Variants in MRPL42 observed in about 807,000 individuals in gnomAD.
MRPL42 encodes the protein large ribosomal subunit protein mL42.
In MRPL42, 17 loss-of-function variants were observed where a neutral mutation model predicts 17.9. That is an observed-to-expected ratio of 0.95 (90% CI 0.65 to 1.42). The LOEUF is 1.42. Ranked by LOEUF, MRPL42 falls within the 40% of genes most tolerant of loss-of-function variation. The pLI, the probability that MRPL42 is intolerant of heterozygous loss-of-function variation, is 0.00. For synonymous variants in MRPL42, 59 were observed against 54.4 expected (o/e 1.08, Z -0.37); for missense variants, 177 against 175.2 (o/e 1.01, Z -0.06).
Position 93,514,252 on chromosome 12 carries a change from A to G in MRPL42, c.*13031A>G, listed in dbSNP as rs900192260. On this transcript the variant is annotated 3_prime_UTR_variant, in exon 6 of 6. Coordinates refer to ENST00000549982, the MANE Select transcript of MRPL42 (RefSeq NM_014050.4). ...CGTTTCCATGGACCTAACTCCAATA[A>G]TGATTGGACAGTTTTCTCCCTCTGC... 5 of 151,160 alleles carry G rather than the reference A, an allele frequency of 3.3e-5. No individual in the cohort carries two copies. The highest frequency in any genetic ancestry group is 4.9e-5 in the African/African-American group (2 of 41,088). The allele number at this position is 151,160 out of a possible 1,614,324, so 9.4% of individuals were successfully genotyped here. A position where few individuals can be genotyped will look rare whatever the true frequency, so the allele number is the denominator to read the frequency against.
At chr12:93,482,554 CT>C (rs146175468) in intron 4 of MRPL42, among the ~76,000 whole-genome samples, 2,791 of 152,136 alleles carry the variant, frequency 0.018, 77 homozygotes, top group African/African-American at 0.064. Context: ...TGTTTTAGGG[CT>C]AAGAGACATT....
intron 5 of MRPL42, among the ~76,000 whole-genome samples, chr12:93,491,226 G>A (rs1953406793): frequency 6.6e-6 from 1 of 152,152 alleles, no homozygotes; most frequent in African/African-American, 2.4e-5. Flanking sequence ...TTTAAACTAT[G>A]CAGAAGTATT....
chr12:93,475,206 C>T (rs544839308), intron 2 of MRPL42, among the ~76,000 whole-genome samples: 1 of 151,972 alleles, frequency 6.6e-6, no homozygotes, highest in African/African-American at 2.4e-5. Context: ...CTTCTGCCTC[C>T]CGGGTTCAAG....
rs1953609170 is a variant in MRPL42, at chr12:93,502,393, TG to T, written c.*1173del. 6.6e-6 allele frequency: 1 copy of T among 152,228 alleles called. No homozygotes were observed. Among genetic ancestry groups the T allele is most frequent in the South Asian group, 2.1e-4 (1 of 4,836 alleles). 9.4% of individuals were successfully genotyped at this position (152,228 alleles called of 1,614,324 possible). On this transcript the variant is annotated 3_prime_UTR_variant, in exon 6 of 6. Transcript: ENST00000549982. ...GGTAGAAAGTTGCTTTATTTAAATT[TG>T]TACTGTAGAATGTTTGTGATACAGT...
chr12:93,488,497 G>A (rs1324750470), intron 5 of MRPL42: 9 of 375,818 alleles, frequency 2.4e-5, no homozygotes, highest in Non-Finnish European at 4.2e-5. Flanking sequence ...TTTTGTAAGA[G>A]TTCTTGAAAA....
At position 93,513,258 on chromosome 12, in the gene MRPL42, C is replaced by G. The variant is rs1400165015; in HGVS notation, c.*12037C>G. 1 of 129,646 alleles carries G rather than the reference C, an allele frequency of 7.7e-6. No individual in the cohort carries two copies. Among genetic ancestry groups the G allele is most frequent in the Non-Finnish European group, 1.5e-5 (1 of 64,814 alleles). The allele number at this position is 129,646 out of a possible 1,614,324, so 8.0% of individuals were successfully genotyped here. ...TTGCCCAGGCTGGAGTGCAGTGGTGCAATCGTAGCTCACTGTAACCTTGAA... is the reference window on the plus strand; with the variant it reads ...TTGCCCAGGCTGGAGTGCAGTGGTGGAATCGTAGCTCACTGTAACCTTGAA... On this transcript the variant is annotated 3_prime_UTR_variant, in exon 6 of 6. Coordinates refer to ENST00000549982, the MANE Select transcript of MRPL42 (RefSeq NM_014050.4).
chr12:93,479,328 AG>A, intron 3 of MRPL42, 59 bp from the exon 4 acceptor site: 4 of 1,263,820 alleles, frequency 3.2e-6, no homozygotes, highest in East Asian at 4.9e-5. Context: ...AAAAAAAAAA[AG>A]GTAATCATTT....
chr12:93,468,786 G>A (rs1007123537), intron 1 of MRPL42, among the ~76,000 whole-genome samples: 4 of 152,044 alleles, frequency 2.6e-5, no homozygotes, highest in African/African-American at 9.7e-5. Context: ...TCAGAAACAG[G>A]ATAGTACTGT....
At position 93,510,719 on chromosome 12, in the gene MRPL42, G is replaced by T. The variant is rs1953717960; in HGVS notation, c.*9498G>T. On this transcript the variant is annotated 3_prime_UTR_variant, in exon 6 of 6. Transcript: ENST00000549982. ...ATCCACATCACATTTATTTTAATTT[G>T]CATTTCCCTGATAATATGTGATATG... is the stretch of plus-strand genomic sequence containing the variant. The T allele has an allele frequency of 6.6e-6, 1 of 152,036 alleles. No homozygotes were observed. The highest frequency in any genetic ancestry group is 1.5e-5 in the Non-Finnish European group (1 of 68,014). The allele number at this position is 152,036 out of a possible 1,614,324, so 9.4% of individuals were successfully genotyped here. A position where few individuals can be genotyped will look rare whatever the true frequency, so the allele number is the denominator to read the frequency against.
intron 4 of MRPL42, among the ~76,000 whole-genome samples, chr12:93,481,970 C>G (rs993050373): frequency 1.3e-5 from 2 of 152,166 alleles, no homozygotes; most frequent in Non-Finnish European, 2.9e-5. Flanking sequence ...GACCACCTCC[C>G]CTGCATCCTC....
chr12:93,484,289 T>A (rs1379562321), intron 4 of MRPL42, among the ~76,000 whole-genome samples: 1 of 152,208 alleles, frequency 6.6e-6, no homozygotes, highest in Admixed American at 6.5e-5. Flanking sequence ...CATGTTACTC[T>A]GGCTGGTTTT....
intron 5 of MRPL42, among the ~76,000 whole-genome samples, chr12:93,494,754 A>G (rs76669043): frequency 1.7e-3 from 254 of 151,978 alleles, no homozygotes; most frequent in African/African-American, 5.7e-3. Flanking sequence ...TGGAACAGAA[A>G]AGTGGAGCAG....
chr12:93,479,343 C>T, intron 3 of MRPL42, 45 bp from the exon 4 acceptor site: 2 of 1,399,680 alleles, frequency 1.4e-6, no homozygotes, highest in Non-Finnish European at 9.8e-7. Context: ...ATCATTTTGC[C>T]TTGAATACAG....
At chr12:93,476,087 A>G (rs1880159369) in intron 2 of MRPL42, among the ~76,000 whole-genome samples, 1 of 152,236 alleles carries the variant, frequency 6.6e-6, no homozygotes, top group South Asian at 2.1e-4. Flanking sequence ...AAGCATTTTG[A>G]TTAAGAAAAG....
At position 93,502,431 on chromosome 12, in the gene MRPL42, TG is replaced by T. The variant is rs1307714567; in HGVS notation, c.*1211del. 6.6e-6 allele frequency: 1 copy of T among 152,202 alleles called. No homozygotes were observed. Among genetic ancestry groups the T allele is most frequent in the Non-Finnish European group, 1.5e-5 (1 of 68,022 alleles). The allele number at this position is 152,202 out of a possible 1,614,324, so 9.4% of individuals were successfully genotyped here. A position where few individuals can be genotyped will look rare whatever the true frequency, so the allele number is the denominator to read the frequency against. On this transcript the variant is annotated 3_prime_UTR_variant, in exon 6 of 6. Transcript: ENST00000549982. Reference sequence around the variant, plus strand: ...GTTTGTGATACAGTATTTGTAAAATTGATATGAAAAATAATTTCTCAAAGTC... The same window carrying T: ...GTTTGTGATACAGTATTTGTAAAATTATATGAAAAATAATTTCTCAAAGTC...
Position 93,496,540 on chromosome 12 carries a change from A to G in MRPL42, c.384-4636A>G, listed in dbSNP as rs541142598. On this transcript the variant is annotated intron_variant, in intron 5 of 5. Transcript: ENST00000549982. Reference sequence around the variant, plus strand: ...AAAATGTCATGAAGAAAGTAAGATAAGAGCAAATAGCAGAGGAAGAGTAAA... The same window carrying G: ...AAAATGTCATGAAGAAAGTAAGATAGGAGCAAATAGCAGAGGAAGAGTAAA... Among the ~76,000 whole-genome samples, 61 of 151,996 alleles carry G rather than the reference A, an allele frequency of 4.0e-4. 2 individuals are homozygous for G. The South Asian group carries it at 0.012, about 31-fold the overall frequency.
At chr12:93,469,507 A>T in intron 2 of MRPL42, 152 bp downstream of exon 2, 1 of 606,452 alleles carries the variant, frequency 1.6e-6, no homozygotes, top group Non-Finnish European at 2.9e-6. Context: ...TCAGAAGGGG[A>T]ATGGATAGGT....
chr12:93,482,217 C>G (rs1298472086), intron 4 of MRPL42, among the ~76,000 whole-genome samples: 1 of 152,212 alleles, frequency 6.6e-6, no homozygotes, highest in Non-Finnish European at 1.5e-5. Flanking sequence ...AGTTTACTCT[C>G]TTTCCTTAAG....
chr12:93,510,923 C>T lies in MRPL42; in HGVS notation c.*9702C>T, dbSNP rs144413644. 4.5e-4 allele frequency: 69 copies of T among 152,254 alleles called. No individual in the cohort carries two copies. Among genetic ancestry groups the T allele is most frequent in the African/African-American group, 1.6e-3 (67 of 41,542 alleles). The allele number at this position is 152,254 out of a possible 1,614,324, so 9.4% of individuals were successfully genotyped here. On this transcript the variant is annotated 3_prime_UTR_variant, in exon 6 of 6. Transcript: ENST00000549982. ...GAAAGTTTCAGGCAGGGAATGCAAT[C>T]GATGTGAAGGTTTGGGGTAATTTGT... is the stretch of plus-strand genomic sequence containing the variant.
Sources: gnomAD v4.1 joint callset for allele counts (sites outside exome capture counted in the v4.1 genomes callset) on GRCh38, gnomAD v4.1.1 for gene constraint, MANE v1.5 for transcripts, NCBI Gene and HGNC (gene_info 2026-07-23, HGNC 2026-07-21) for gene names.